Variants in CHRNA7 observed in about 807,000 individuals in gnomAD.
The protein encoded by CHRNA7 is neuronal acetylcholine receptor subunit alpha-7.
Under a neutral mutation model 48.0 loss-of-function variants are expected in CHRNA7, and 17 were observed. The ratio of observed to expected loss-of-function variants is 0.35; its 90% CI spans 0.24 to 0.53. The LOEUF (loss-of-function observed/expected upper bound fraction) is 0.53. Ranked by LOEUF, CHRNA7 falls within the 20% of genes least tolerant of loss-of-function variation. The probability of loss-of-function intolerance (pLI) is 0.92; values close to 1 mark genes in which losing one functional copy is unlikely to be tolerated. For synonymous variants in CHRNA7, 75 were observed against 242.3 expected, an observed-to-expected ratio of 0.31 and a Z score of 6.41; for missense variants, 155 against 577.7, an observed-to-expected ratio of 0.27 and a Z score of 7.50.
chr15:32,082,100 A>C (rs1566825867), intron 2 of CHRNA7, among the ~76,000 whole-genome samples: 1 of 152,082 alleles, frequency 6.6e-6, no homozygotes, highest in African/African-American at 2.4e-5. Flanking sequence ...AGTATAGGTA[A>C]TGTGTCATTT....
Position 32,031,108 on chromosome 15 carries a change from G to C in CHRNA7, c.195+71G>C, listed in dbSNP as rs372738902. On this transcript the variant is annotated intron_variant, in intron 2 of 9. Transcript: ENST00000306901. ...TCCGAGGGGCTTTTTAGACAGCGTCGGGCGGCCAGGCGGTGGAGCTCGGCT... is the reference window on the plus strand; with the variant it reads ...TCCGAGGGGCTTTTTAGACAGCGTCCGGCGGCCAGGCGGTGGAGCTCGGCT... 116 of 1,588,648 alleles carry C rather than the reference G, an allele frequency of 7.3e-5. No individual in the cohort carries two copies. In the African/African-American group the frequency reaches 1.4e-3, roughly 20 times the overall value.
intron 2 of CHRNA7, among the ~76,000 whole-genome samples, chr15:32,089,479 G>T (rs2050348869): frequency 1.3e-5 from 2 of 151,802 alleles, no homozygotes; most frequent in Non-Finnish European, 1.5e-5. Flanking sequence ...TTACATTTTT[G>T]ACACAACATG....
chr15:32,102,161 A>AT, intron 3 of CHRNA7: 1 of 152,130 alleles, frequency 6.6e-6, no homozygotes, highest in Non-Finnish European at 1.5e-5. Context: ...TTTGTTTGAG[A>AT]CAGAGCCTTG....
At position 32,149,882 on chromosome 15, in the gene CHRNA7, T is replaced by C. The variant is rs1434329917; in HGVS notation, c.351-4025T>C. 6.6e-6 allele frequency among the ~76,000 whole-genome samples: 1 copy of C among 152,070 alleles called. No homozygotes were observed. The highest frequency in any genetic ancestry group is 2.4e-5 in the African/African-American group (1 of 41,376). The stretch of plus-strand genomic sequence containing the variant: ...GAAAGGCTTGTAGGAACTTTTTTTT[T>C]TTCAGAGTTGAATCACTGATCTAAC... On this transcript the variant is annotated intron_variant, in intron 4 of 9. Coordinates refer to ENST00000306901, the MANE Select transcript of CHRNA7 (RefSeq NM_000746.6). This position sits in a 1 kb window ranked among gnomAD's most constrained non-coding sequence, Gnocchi z 4.6.
chr15:32,075,111 G>A (rs754146436), intron 2 of CHRNA7, among the ~76,000 whole-genome samples: 2 of 152,122 alleles, frequency 1.3e-5, no homozygotes, highest in Non-Finnish European at 2.9e-5. Flanking sequence ...ATATATTGCT[G>A]AATTCAATGT....
intron 2 of CHRNA7, among the ~76,000 whole-genome samples, chr15:32,064,434 G>A (rs2049930276): frequency 6.6e-6 from 1 of 151,778 alleles, no homozygotes; most frequent in Non-Finnish European, 1.5e-5. Context: ...TCATATTAGA[G>A]CCTTTCTCAT....
chr15:32,089,869 A>G (rs1263706340), intron 2 of CHRNA7, among the ~76,000 whole-genome samples: 2 of 152,318 alleles, frequency 1.3e-5, no homozygotes, highest in South Asian at 2.1e-4. Flanking sequence ...GATGTTTGCT[A>G]TAGCTTTAAC....
At chr15:32,144,032 G>A (rs980617944) in intron 4 of CHRNA7, among the ~76,000 whole-genome samples, 1 of 152,198 alleles carries the variant, frequency 6.6e-6, no homozygotes, top group Non-Finnish European at 1.5e-5. Flanking sequence ...TTTACCATTT[G>A]GCGTGTTTTT....
intron 4 of CHRNA7, among the ~76,000 whole-genome samples, chr15:32,144,738 G>GT (rs1379631748): frequency 6.6e-6 from 1 of 152,176 alleles, no homozygotes; most frequent in Non-Finnish European, 1.5e-5. Context: ...GTGTCATGAA[G>GT]TTCTCATGCT....
chr15:32,060,326 G>T (rs1370173623), intron 2 of CHRNA7, among the ~76,000 whole-genome samples: 1 of 152,026 alleles, frequency 6.6e-6, no homozygotes, highest in East Asian at 1.9e-4. Flanking sequence ...ATGTATACCT[G>T]TATATACATA....
chr15:32,082,044 CTG>C (rs2050224383), intron 2 of CHRNA7, among the ~76,000 whole-genome samples: 2 of 151,972 alleles, frequency 1.3e-5, no homozygotes, highest in Non-Finnish European at 2.9e-5. Flanking sequence ...ATTCTGAACT[CTG>C]TGGTTTCCAA....
At chr15:32,134,220 G>A (rs887038732) in intron 4 of CHRNA7, among the ~76,000 whole-genome samples, 14 of 151,780 alleles carry the variant, frequency 9.2e-5, no homozygotes, top group South Asian at 2.1e-4. Flanking sequence ...GTACAGTGGC[G>A]GGATCTCGGC....
At chr15:32,050,957 C>T (rs537710673) in intron 2 of CHRNA7, among the ~76,000 whole-genome samples, 2 of 152,232 alleles carry the variant, frequency 1.3e-5, no homozygotes, top group East Asian at 1.9e-4. Flanking sequence ...TCTGCAGAAC[C>T]GCGGATTTTC....
In CHRNA7 at chr15:32,158,393, TCTC is replaced by T. The variant is rs574627810; in HGVS notation, c.599-11_599-9del. ...ATTGTATTCTAACAATGGCTCCTTCTCTCCTCCTCCCTATGGAGGAATCCCCGG... is the reference window on the plus strand; with the variant it reads ...ATTGTATTCTAACAATGGCTCCTTCTCTCCTCCCTATGGAGGAATCCCCGG... On this transcript the variant is annotated splice_polypyrimidine_tract_variant and intron_variant, in intron 6 of 9. Transcript: ENST00000306901. The T allele has an allele frequency of 9.2e-5, 148 of 1,603,946 alleles. 2 individuals are homozygous for T. In the African/African-American group the frequency reaches 1.6e-3, roughly 17 times the overall value.
intron 2 of CHRNA7, among the ~76,000 whole-genome samples, chr15:32,085,309 A>T (rs1393877616): frequency 6.6e-6 from 1 of 152,172 alleles, no homozygotes; most frequent in Non-Finnish European, 1.5e-5. Context: ...TATCCCAATT[A>T]ATGTTTTTCA....
At chr15:32,099,884 T>C (rs769370562) in intron 2 of CHRNA7, 2 of 152,248 alleles carry the variant, frequency 1.3e-5, no homozygotes, top group East Asian at 1.9e-4. Flanking sequence ...AAATGGGATA[T>C]ATTTTTTCCT....
intron 2 of CHRNA7, among the ~76,000 whole-genome samples, chr15:32,038,822 A>AC (rs757216325): frequency 4.7e-4 from 72 of 152,286 alleles, no homozygotes; most frequent in Non-Finnish European, 8.7e-4. Context: ...TGTACTCTGA[A>AC]AGAGACTGTA....
chr15:32,089,075 A>AT (rs1474421802), intron 2 of CHRNA7, among the ~76,000 whole-genome samples: 1 of 152,108 alleles, frequency 6.6e-6, no homozygotes, highest in Non-Finnish European at 1.5e-5. Context: ...CTTATGATCC[A>AT]TTTTGATTTA....
At chr15:32,121,310 C>T (rs1369945609) in intron 4 of CHRNA7, among the ~76,000 whole-genome samples, 1 of 152,242 alleles carries the variant, frequency 6.6e-6, no homozygotes, top group Non-Finnish European at 1.5e-5. Flanking sequence ...CATTCACTGC[C>T]CTCGAGGCAT....
Sources: gnomAD v4.1 joint callset for allele counts (sites outside exome capture counted in the v4.1 genomes callset) on GRCh38, gnomAD v4.1.1 for gene constraint, Gnocchi (gnomAD v3.1) non-coding constraint, MANE v1.5 for transcripts, NCBI Gene and HGNC (gene_info 2026-07-23, HGNC 2026-07-21) for gene names.